ADAMTS17: variants seen among roughly 807,000 people sequenced by gnomAD.
ADAMTS17 encodes the protein ADAM metallopeptidase with thrombospondin type 1 motif 17.
In ADAMTS17, 113 loss-of-function variants were observed where a neutral mutation model predicts 141.5. That is an observed-to-expected ratio of 0.80 (90% CI 0.69 to 0.93). The LOEUF (loss-of-function observed/expected upper bound fraction) is 0.93, where lower values mean the gene tolerates loss of function less well. Among genes scored for constraint, ADAMTS17 ranks in the 40% least tolerant of loss-of-function variants. The probability of loss-of-function intolerance (pLI) is 0.00; values close to 1 mark genes in which losing one functional copy is unlikely to be tolerated. For synonymous variants in ADAMTS17, 768 were observed against 630.6 expected (o/e 1.22, Z -3.27); for missense variants, 1,659 against 1,517.9 (o/e 1.09, Z -1.54).
At chr15:100,257,161 G>T (rs553236451) in intron 6 of ADAMTS17, 1 of 152,208 alleles carries the variant, frequency 6.6e-6, no homozygotes, top group Admixed American at 6.5e-5. Context: ...GCCCCTGAGC[G>T]CAGCCAGGCC....
intron 3 of ADAMTS17, among the ~76,000 whole-genome samples, chr15:100,293,631 G>A (rs1370973691): frequency 6.6e-6 from 1 of 152,048 alleles, no homozygotes; most frequent in Non-Finnish European, 1.5e-5. Context: ...CAACCTCAAG[G>A]GGCCTTGGAA....
intron 18 of ADAMTS17, among the ~76,000 whole-genome samples, chr15:100,028,591 T>A (rs2029868746): frequency 6.6e-6 from 1 of 152,224 alleles, no homozygotes; most frequent in African/African-American, 2.4e-5. Context: ...GCCATTTATT[T>A]CTCTTAGCTC....
chr15:100,205,499 A>G (rs1034760372), intron 7 of ADAMTS17, among the ~76,000 whole-genome samples: 1 of 152,166 alleles, frequency 6.6e-6, no homozygotes, highest in Non-Finnish European at 1.5e-5. Context: ...TCGTGTCAGC[A>G]GGACCCATCA....
chr15:100,255,515 G>C (rs560776764), intron 6 of ADAMTS17, among the ~76,000 whole-genome samples: 1 of 152,108 alleles, frequency 6.6e-6, no homozygotes, highest in South Asian at 2.1e-4. Flanking sequence ...CTGGCAGAGG[G>C]GAAAGCAAAT....
intron 8 of ADAMTS17, among the ~76,000 whole-genome samples, chr15:100,196,434 T>C (rs762403755): frequency 3.9e-5 from 6 of 152,216 alleles, no homozygotes; most frequent in Admixed American, 6.5e-5. Flanking sequence ...AGAAGTGGAA[T>C]TTTTTTCCTG....
At chr15:100,100,568 GC>G (rs777188973) in intron 14 of ADAMTS17, among the ~76,000 whole-genome samples, 27 of 152,104 alleles carry the variant, frequency 1.8e-4, no homozygotes, top group Non-Finnish European at 2.9e-5. Flanking sequence ...AAACCTCCAA[GC>G]CATTTCTGAC....
At chr15:100,255,570 G>T (rs1247916283) in intron 6 of ADAMTS17, among the ~76,000 whole-genome samples, 2 of 143,174 alleles carry the variant, frequency 1.4e-5, no homozygotes, top group African/African-American at 5.3e-5. Flanking sequence ...TACCTACCTA[G>T]CCCCAGCCCA....
intron 10 of ADAMTS17, among the ~76,000 whole-genome samples, chr15:100,145,571 T>C (rs187545810): frequency 4.9e-4 from 74 of 152,278 alleles, no homozygotes; most frequent in African/African-American, 1.6e-3. Flanking sequence ...GTACTGTTTT[T>C]CTGGAGATAT....
At chr15:100,302,632 CCTGATGG>C (rs2045081365) in intron 3 of ADAMTS17, among the ~76,000 whole-genome samples, 1 of 152,114 alleles carries the variant, frequency 6.6e-6, no homozygotes, top group African/African-American at 2.4e-5. Context: ...TTTGCATTTC[CCTGATGG>C]CTGATGATGC....
chr15:100,104,271 ACT>A (rs2036292532), intron 14 of ADAMTS17, among the ~76,000 whole-genome samples: 1 of 152,046 alleles, frequency 6.6e-6, no homozygotes, highest in African/African-American at 2.4e-5. Flanking sequence ...TAATGATGGG[ACT>A]CTTGATTTAT....
At chr15:100,170,390 C>T (rs1208382826) in intron 8 of ADAMTS17, among the ~76,000 whole-genome samples, 3 of 152,142 alleles carry the variant, frequency 2.0e-5, no homozygotes, top group Non-Finnish European at 2.9e-5. Context: ...AACCTGCCCA[C>T]GGCCTCACAG....
chr15:100,062,151 G>A (rs915118615), intron 15 of ADAMTS17, among the ~76,000 whole-genome samples: 4 of 152,204 alleles, frequency 2.6e-5, no homozygotes, highest in South Asian at 2.1e-4. Flanking sequence ...AGTGCCAGGC[G>A]AGGCAGGGAC....
chr15:100,072,312 A>T (rs369298893), intron 15 of ADAMTS17, among the ~76,000 whole-genome samples: 1 of 148,570 alleles, frequency 6.7e-6, no homozygotes, highest in African/African-American at 2.5e-5. Context: ...AATCAATATC[A>T]TGAAAATGGC....
At position 100,341,175 on chromosome 15, in the gene ADAMTS17, C is replaced by G; in HGVS notation, c.314G>C (p.Arg105Pro). Residue 105 changes from arginine to proline, a missense_variant, in exon 2 of 22, where the codon CGA becomes CCA. Arg to Pro is a moderately radical substitution (Grantham distance 103). Transcript: ENST00000268070. ...QLRRDLRFLSRGFEVEEAGAA... is the reference protein window; with the variant it reads ...QLRRDLRFLSPGFEVEEAGAA... Reference sequence around the variant, plus strand: ...GCCCGCCTCCTCCACCTCGAAGCCTCGGGACAGGAAGCGCAGGTCGCGGCG... The same window carrying G: ...GCCCGCCTCCTCCACCTCGAAGCCTGGGGACAGGAAGCGCAGGTCGCGGCG... 1.4e-6 allele frequency: 2 copies of G among 1,465,988 alleles called. No individual in the cohort carries two copies. The highest frequency in any genetic ancestry group is 1.8e-6 in the Non-Finnish European group (2 of 1,113,254). 90.8% of individuals were successfully genotyped at this position (1,465,988 alleles called of 1,614,324 possible).
At chr15:100,065,734 G>C (rs2033470114) in intron 15 of ADAMTS17, among the ~76,000 whole-genome samples, 1 of 152,086 alleles carries the variant, frequency 6.6e-6, no homozygotes, top group African/African-American at 2.4e-5. Flanking sequence ...TTTAAGTTCT[G>C]GGATACATGT....
chr15:100,069,173 CGAGAA>C (rs1296113394), intron 15 of ADAMTS17, among the ~76,000 whole-genome samples: 3 of 151,824 alleles, frequency 2.0e-5, no homozygotes, highest in African/African-American at 7.3e-5. Context: ...TAAAATGAAG[CGAGAA>C]GAGAAGTTTA....
chr15:99,972,852 T>A lies in ADAMTS17; in HGVS notation c.*1550A>T, dbSNP rs1437097107. The A allele has an allele frequency of 1.3e-5, 2 of 152,184 alleles. No individual in the cohort carries two copies. Among genetic ancestry groups the A allele is most frequent in the Admixed American group, 6.5e-5 (1 of 15,280 alleles). 9.4% of individuals were successfully genotyped at this position (152,184 alleles called of 1,614,324 possible). A position where few individuals can be genotyped will look rare whatever the true frequency, so the allele number is the denominator to read the frequency against. The stretch of plus-strand genomic sequence containing the variant: ...AGGCTTCTTTCTGATTTAAGCTAAC[T>A]CTACGGTTGTGACATGTAACAAAAC... On this transcript the variant is annotated 3_prime_UTR_variant, in exon 22 of 22. Coordinates refer to ENST00000268070, the MANE Select transcript of ADAMTS17 (RefSeq NM_139057.4).
At chr15:100,108,040 T>A (rs2036514906) in intron 14 of ADAMTS17, among the ~76,000 whole-genome samples, 1 of 152,000 alleles carries the variant, frequency 6.6e-6, no homozygotes, top group Non-Finnish European at 1.5e-5. Flanking sequence ...AGGGACAAAA[T>A]GGGAGCATGG....
chr15:100,023,494 C>T (rs762692591), intron 18 of ADAMTS17, among the ~76,000 whole-genome samples: 2 of 152,088 alleles, frequency 1.3e-5, no homozygotes, highest in Non-Finnish European at 2.9e-5. Context: ...GGGTGAGCCA[C>T]TTTGCCTGGC....
Sources: allele counts gnomAD v4.1 joint callset (sites outside exome capture counted in the v4.1 genomes callset), GRCh38; gene constraint gnomAD v4.1.1; transcripts MANE v1.5; gene names NCBI Gene and HGNC (gene_info 2026-07-23, HGNC 2026-07-21).